Variants in RAPGEF6 observed in about 807,000 individuals in gnomAD.
RAPGEF6 encodes the protein Rap guanine nucleotide exchange factor 6.
Under a neutral mutation model 171.4 loss-of-function variants are expected in RAPGEF6, and 56 were observed. The ratio of observed to expected loss-of-function variants is 0.33; its 90% CI spans 0.26 to 0.41. RAPGEF6 has a LOEUF of 0.41. Ranked by LOEUF, RAPGEF6 falls within the 10% of genes least tolerant of loss-of-function variation. The pLI is 1.00. For synonymous variants in RAPGEF6, 692 were observed against 650.1 expected (o/e 1.06, Z -0.98); for missense variants, 1,674 against 1,921.4 (o/e 0.87, Z 2.41).
At chr5:131,534,193 C>T (rs969658421) in intron 6 of RAPGEF6, among the ~76,000 whole-genome samples, 2 of 151,958 alleles carry the variant, frequency 1.3e-5, no homozygotes, top group African/African-American at 4.8e-5. Flanking sequence ...GAGATGTTAC[C>T]TGGGAGACAG....
At chr5:131,495,445 T>C (rs1276472693) in intron 13 of RAPGEF6, 108 bp downstream of exon 13, 24 of 755,716 alleles carry the variant, frequency 3.2e-5, no homozygotes, top group Non-Finnish European at 4.4e-5. Flanking sequence ...GTTCTAAGAA[T>C]GGACATTTAA....
At chr5:131,577,127 C>A (rs1196013872) in intron 4 of RAPGEF6, among the ~76,000 whole-genome samples, 3 of 152,182 alleles carry the variant, frequency 2.0e-5, no homozygotes, top group Non-Finnish European at 4.4e-5. Context: ...CCACCGCAGT[C>A]ATTTCTTCCT....
intron 11 of RAPGEF6, among the ~76,000 whole-genome samples, chr5:131,503,932 G>A (rs1712686663): frequency 6.6e-6 from 1 of 152,136 alleles, no homozygotes; most frequent in Non-Finnish European, 1.5e-5. Context: ...CAGTGCCACA[G>A]AGATCCAGAA....
chr5:131,593,543 A>G (rs1027997709), intron 3 of RAPGEF6, among the ~76,000 whole-genome samples: 4 of 152,250 alleles, frequency 2.6e-5, no homozygotes, highest in African/African-American at 9.6e-5. Context: ...AAGATGTGGA[A>G]AAGTTTGGAA....
chr5:131,528,344 C>A (rs1468258), intron 6 of RAPGEF6, among the ~76,000 whole-genome samples: 1 of 107,648 alleles, frequency 9.3e-6, no homozygotes, highest in African/African-American at 4.9e-5. Context: ...TATATACACA[C>A]ACACACACAT....
chr5:131,559,352 A>G (rs1216670424), intron 5 of RAPGEF6, among the ~76,000 whole-genome samples: 1 of 152,060 alleles, frequency 6.6e-6, no homozygotes, highest in East Asian at 1.9e-4. Flanking sequence ...AAATAAAAAT[A>G]AAAATAAAAA....
intron 4 of RAPGEF6, among the ~76,000 whole-genome samples, chr5:131,566,850 T>C (rs1761977981): frequency 6.6e-6 from 1 of 152,118 alleles, no homozygotes; most frequent in East Asian, 1.9e-4. Context: ...GGCTGACACC[T>C]ATAATCCCAG....
At chr5:131,597,273 G>A (rs1427096253) in intron 3 of RAPGEF6, among the ~76,000 whole-genome samples, 1 of 150,928 alleles carries the variant, frequency 6.6e-6, no homozygotes, top group Admixed American at 6.6e-5. Context: ...TGGTGGGAAC[G>A]TAAATTAGTA....
intron 24 of RAPGEF6, among the ~76,000 whole-genome samples, chr5:131,434,461 A>G (rs908047716): frequency 6.6e-6 from 1 of 151,730 alleles, no homozygotes; most frequent in Non-Finnish European, 1.5e-5. Context: ...CTGGTCTTCA[A>G]CTCCTGGCCT....
intron 4 of RAPGEF6, among the ~76,000 whole-genome samples, chr5:131,570,072 C>CAAAAA (rs1762186795): frequency 1.5e-5 from 2 of 135,156 alleles, no homozygotes. Flanking sequence ...AAAAAAAAGC[C>CAAAAA]AGAGACTGAG....
chr5:131,477,777 T>G (rs1223452573), intron 16 of RAPGEF6, among the ~76,000 whole-genome samples: 1 of 152,166 alleles, frequency 6.6e-6, no homozygotes, highest in African/African-American at 2.4e-5. Context: ...GAGACGCAGT[T>G]AATGGAAGAA....
chr5:131,542,689 C>T (rs1760234979), intron 6 of RAPGEF6, among the ~76,000 whole-genome samples: 1 of 152,078 alleles, frequency 6.6e-6, no homozygotes, highest in Admixed American at 6.5e-5. Flanking sequence ...TAATCCTTCC[C>T]AAGAAAGAAA....
At chr5:131,487,324 G>A (rs1165840512) in intron 15 of RAPGEF6, among the ~76,000 whole-genome samples, 2 of 152,234 alleles carry the variant, frequency 1.3e-5, no homozygotes, top group Non-Finnish European at 2.9e-5. Flanking sequence ...GAGGGTGGAA[G>A]GGGACCCTGG....
At chr5:131,540,266 T>C (rs1580994332) in intron 6 of RAPGEF6, among the ~76,000 whole-genome samples, 1 of 152,238 alleles carries the variant, frequency 6.6e-6, no homozygotes, top group African/African-American at 2.4e-5. Flanking sequence ...GGCACACTGC[T>C]ATTTAAAAAT....
intron 17 of RAPGEF6, among the ~76,000 whole-genome samples, chr5:131,468,902 G>T (rs188923913): frequency 6.6e-6 from 1 of 152,314 alleles, no homozygotes; most frequent in Non-Finnish European, 1.5e-5. Flanking sequence ...AAGTTTTGCA[G>T]GTCAAATGGC....
At chr5:131,564,823 C>T (rs1761829141) in intron 4 of RAPGEF6, among the ~76,000 whole-genome samples, 1 of 152,118 alleles carries the variant, frequency 6.6e-6, no homozygotes, top group South Asian at 2.1e-4. Flanking sequence ...AGACCTAATG[C>T]AATGTTCTAT....
chr5:131,600,602 GAGGGGAGAGA>G (rs1764178464), intron 3 of RAPGEF6, among the ~76,000 whole-genome samples: 1 of 144,004 alleles, frequency 6.9e-6, no homozygotes, highest in South Asian at 2.4e-4. Context: ...GAGGGGAAGG[GAGGGGAGAGA>G]AGAGGAGAGA....
intron 17 of RAPGEF6, among the ~76,000 whole-genome samples, chr5:131,466,727 C>A (rs1457241072): frequency 1.3e-5 from 2 of 152,190 alleles, no homozygotes; most frequent in African/African-American, 2.4e-5. Flanking sequence ...ACTGCGAGTG[C>A]ATTAAACCTC....
chr5:131,543,056 A>G (rs1490085416), intron 6 of RAPGEF6, among the ~76,000 whole-genome samples: 3 of 152,194 alleles, frequency 2.0e-5, no homozygotes, highest in East Asian at 1.9e-4. Flanking sequence ...AGAAAATTCA[A>G]TTAAACAGGA....
Sources: gnomAD v4.1 joint callset for allele counts (sites outside exome capture counted in the v4.1 genomes callset) on GRCh38, gnomAD v4.1.1 for gene constraint, MANE v1.5 for transcripts, NCBI Gene and HGNC (gene_info 2026-07-23, HGNC 2026-07-21) for gene names.